The following DGKI variants were observed in gnomAD, a reference collection of about 807,000 sequenced individuals.
DGKI encodes diacylglycerol kinase iota.
A neutral mutation model predicts 147.5 loss-of-function variants in DGKI; 55 were observed. The observed-to-expected ratio is 0.37, with a 90% CI of 0.30 to 0.47. DGKI has a LOEUF of 0.47. Among genes scored for constraint, DGKI ranks in the 20% least tolerant of loss-of-function variants. DGKI has a pLI of 1.00. For synonymous variants in DGKI, 469 were observed against 477.1 expected (o/e 0.98, Z 0.22); for missense variants, 1,007 against 1,323.8 (o/e 0.76, Z 3.71).
chr7:137,558,484 G>A (rs2550977), intron 19 of DGKI, among the ~76,000 whole-genome samples: 16,575 of 152,082 alleles, frequency 0.11, 2,039 homozygotes, highest in African/African-American at 0.3. Flanking sequence ...CGCCATGTTG[G>A]CCAGGCTGGT....
At chr7:137,647,939 T>A (rs1821887266) in intron 5 of DGKI, among the ~76,000 whole-genome samples, 2 of 152,162 alleles carry the variant, frequency 1.3e-5, no homozygotes, top group South Asian at 4.1e-4. Context: ...AAGTGGTTAC[T>A]CAAAATGTAA....
intron 8 of DGKI, among the ~76,000 whole-genome samples, chr7:137,617,302 C>T (rs1013439103): frequency 4.6e-5 from 7 of 151,844 alleles, no homozygotes; most frequent in African/African-American, 1.2e-4. Context: ...ATTTCATCAA[C>T]GGGTAAGTGG....
intron 1 of DGKI, among the ~76,000 whole-genome samples, chr7:137,773,643 T>C (rs1275788602): frequency 1.3e-5 from 2 of 151,978 alleles, no homozygotes; most frequent in Non-Finnish European, 2.9e-5. Flanking sequence ...TACAAGAAGA[T>C]CATATTCTAC....
At chr7:137,676,446 T>C (rs1451479821) in intron 3 of DGKI, among the ~76,000 whole-genome samples, 1 of 152,152 alleles carries the variant, frequency 6.6e-6, no homozygotes, top group Non-Finnish European at 1.5e-5. Context: ...AGTAAGCCCT[T>C]TCTATGTATC....
chr7:137,707,482 G>A (rs1022804047), intron 1 of DGKI, among the ~76,000 whole-genome samples: 2 of 152,184 alleles, frequency 1.3e-5, no homozygotes, highest in Non-Finnish European at 2.9e-5. Context: ...CCCAATGTTG[G>A]AGGTGGGGCC....
At chr7:137,444,142 T>C (rs1310086368) in intron 27 of DGKI, 40 bp from the exon 28 acceptor site, 2 of 1,162,146 alleles carry the variant, frequency 1.7e-6, no homozygotes, top group Non-Finnish European at 2.5e-6. Flanking sequence ...TTTTATATGA[T>C]AATTATAATG....
At chr7:137,414,670 G>T (rs1812291717) in intron 28 of DGKI, among the ~76,000 whole-genome samples, 1 of 152,066 alleles carries the variant, frequency 6.6e-6, no homozygotes, top group African/African-American at 2.4e-5. Context: ...CAGACCCTGT[G>T]TGAGCCTGTG....
intron 30 of DGKI, among the ~76,000 whole-genome samples, chr7:137,401,918 G>A (rs1241889198): frequency 6.6e-6 from 1 of 152,160 alleles, no homozygotes; most frequent in Non-Finnish European, 1.5e-5. Flanking sequence ...ACATTCACGT[G>A]GTGCCACCCT....
intron 1 of DGKI, among the ~76,000 whole-genome samples, chr7:137,778,331 AGAGTGCAT>A (rs1796419898): frequency 6.6e-6 from 1 of 152,220 alleles, no homozygotes; most frequent in Non-Finnish European, 1.5e-5. Context: ...ATAAAGCCAG[AGAGTGCAT>A]AGGATAAGTG....
intron 17 of DGKI, among the ~76,000 whole-genome samples, chr7:137,574,767 AAAT>A (rs1249632831): frequency 6.6e-6 from 1 of 152,216 alleles, no homozygotes; most frequent in African/African-American, 2.4e-5. Context: ...ATATACTGAT[AAAT>A]AACAAGAAGA....
intron 28 of DGKI, among the ~76,000 whole-genome samples, chr7:137,422,633 C>G (rs1478414862): frequency 1.1e-5 from 1 of 93,014 alleles, no homozygotes; most frequent in Non-Finnish European, 1.9e-5. Context: ...GAGATGGAGT[C>G]TTGCACTCTC....
At chr7:137,741,109 C>T (rs368837971) in intron 1 of DGKI, among the ~76,000 whole-genome samples, 14 of 152,268 alleles carry the variant, frequency 9.2e-5, no homozygotes, top group African/African-American at 3.1e-4. Flanking sequence ...GTTCCTTGCT[C>T]CAAGTCATTC....
chr7:137,434,820 GTTTGTTTTGT>G (rs1007657908), intron 28 of DGKI, among the ~76,000 whole-genome samples: 1 of 152,096 alleles, frequency 6.6e-6, no homozygotes, highest in African/African-American at 2.4e-5. Context: ...GCCCAGGGGG[GTTTGTTTTGT>G]TTTGTTTTGT....
At chr7:137,519,205 T>C (rs1267126855) in intron 21 of DGKI, among the ~76,000 whole-genome samples, 2 of 151,948 alleles carry the variant, frequency 1.3e-5, no homozygotes, top group Non-Finnish European at 2.9e-5. Context: ...TCTGAAAGAG[T>C]ATAGTCCTCT....
chr7:137,794,539 G>A (rs1012474140), intron 1 of DGKI, among the ~76,000 whole-genome samples: 2 of 152,224 alleles, frequency 1.3e-5, no homozygotes, highest in Non-Finnish European at 2.9e-5. Context: ...AAATCACCTT[G>A]TTGAAATGAA....
At chr7:137,472,201 A>G (rs1165341979) in intron 23 of DGKI, among the ~76,000 whole-genome samples, 12 of 108,244 alleles carry the variant, frequency 1.1e-4, no homozygotes, top group Non-Finnish European at 1.9e-4. Flanking sequence ...TAAATATTAT[A>G]TACATACACA....
At chr7:137,428,881 A>G (rs972229985) in intron 28 of DGKI, among the ~76,000 whole-genome samples, 2 of 152,084 alleles carry the variant, frequency 1.3e-5, no homozygotes, top group African/African-American at 4.8e-5. Context: ...AACTACAAAC[A>G]ACTGCTCAAT....
At chr7:137,745,480 A>G (rs1795297504) in intron 1 of DGKI, among the ~76,000 whole-genome samples, 1 of 152,238 alleles carries the variant, frequency 6.6e-6, no homozygotes, top group African/African-American at 2.4e-5. Flanking sequence ...ATGCATCACT[A>G]TGACTAGCAT....
Position 137,395,591 on chromosome 7 carries a change from G to GAGTT in DGKI, c.3057+3_3057+6dup. On this transcript the variant is annotated splice_region_variant and intron_variant, in intron 32 of 32. Transcript: ENST00000614521. ...GGGAGGATGTTTGCACTCACTCATC[G>GAGTT]AGTTACCTTGGAGTCCGTCTTTCTC... The GAGTT allele has an allele frequency of 2.5e-6, 4 of 1,613,306 alleles. No individual in the cohort carries two copies. The highest frequency in any genetic ancestry group is 3.4e-6 in the Non-Finnish European group (4 of 1,179,278).
Sources: gnomAD v4.1 joint callset for allele counts (sites outside exome capture counted in the v4.1 genomes callset) on GRCh38, gnomAD v4.1.1 for gene constraint, MANE v1.5 for transcripts, NCBI Gene and HGNC (gene_info 2026-07-23, HGNC 2026-07-21) for gene names.